TRRAP: variants seen among roughly 807,000 people sequenced by gnomAD.
TRRAP encodes transformation/transcription domain associated protein.
In TRRAP, 41 loss-of-function variants were observed where a neutral mutation model predicts 438.8. The observed-to-expected ratio is 0.09, with a 90% CI of 0.07 to 0.12. The LOEUF (loss-of-function observed/expected upper bound fraction) is 0.12. Ranked by LOEUF, TRRAP falls within the 10% of genes least tolerant of loss-of-function variation. The probability of loss-of-function intolerance (pLI) is 1.00; values close to 1 mark genes in which losing one functional copy is unlikely to be tolerated. For missense variants in TRRAP, 3,122 were observed against 5,055.1 expected, an observed-to-expected ratio of 0.62 and a Z score of 11.60; for synonymous variants, 1,994 against 1,962.9, an observed-to-expected ratio of 1.02 and a Z score of -0.42.
chr7:98,933,943 A>AATTTAAGC (rs1430395369), intron 27 of TRRAP, among the ~76,000 whole-genome samples: 72 of 152,238 alleles, frequency 4.7e-4, no homozygotes, highest in Non-Finnish European at 8.5e-4. Flanking sequence ...GGAGAGCTTG[A>AATTTAAGC]ATTTAAGCCA....
At chr7:99,001,659 G>A (rs1295803975) in intron 67 of TRRAP, among the ~76,000 whole-genome samples, 1 of 152,182 alleles carries the variant, frequency 6.6e-6, no homozygotes, top group African/African-American at 2.4e-5. Flanking sequence ...CCGCTCTCCT[G>A]TACACAGGGG....
rs73395142 is a variant in TRRAP, at chr7:98,980,625, A to G, written c.8635-1144A>G. 5.6e-3 allele frequency among the ~76,000 whole-genome samples: 857 copies of G among 152,314 alleles called. 11 individuals carry two copies. Among genetic ancestry groups the G allele is most frequent in the African/African-American group, 0.02 (823 of 41,570 alleles). On this transcript the variant is annotated intron_variant, in intron 58 of 72. Transcript: ENST00000456197. The stretch of plus-strand genomic sequence containing the variant: ...GTGCAGGAAATCTGGGGGACATTTT[A>G]TAGTAGGCAAGAAAGTGTGGCTTTA...
chr7:98,935,752 C>A, intron 28 of TRRAP, 77 bp downstream of exon 28: 2 of 1,195,016 alleles, frequency 1.7e-6, no homozygotes, highest in Non-Finnish European at 2.3e-6. Flanking sequence ...AAAAAAGTGG[C>A]CTTTTGTTGT....
Position 98,956,074 on chromosome 7 carries a change from C to A in TRRAP, c.5938-72C>A. On this transcript the variant is annotated intron_variant, in intron 41 of 72. Coordinates refer to ENST00000456197, the MANE Select transcript of TRRAP (RefSeq NM_001375524.1). The surrounding 1 kb of genome is among the most constrained non-coding windows in gnomAD (Gnocchi z 4.5). The stretch of plus-strand genomic sequence containing the variant: ...GGCATGTCGGGGGTGTGTGTGTGCA[C>A]GTGCGCACACGTGCATGCACTGTGG... The A allele has an allele frequency of 6.5e-7, 1 of 1,528,952 alleles. No individual in the cohort carries two copies. Among genetic ancestry groups the A allele is most frequent in the Non-Finnish European group, 8.8e-7 (1 of 1,137,288 alleles). The allele number at this position is 1,528,952 out of a possible 1,614,324, so 94.7% of individuals were successfully genotyped here. A position where few individuals can be genotyped will look rare whatever the true frequency, so the allele number is the denominator to read the frequency against.
intron 29 of TRRAP, 148 bp from the exon 30 acceptor site, chr7:98,937,502 G>A (rs782145400): frequency 2.8e-4 from 301 of 1,092,610 alleles, no homozygotes; most frequent in Non-Finnish European, 3.5e-4. Context: ...CCATCATTTC[G>A]TCATAAATTT....
chr7:98,899,823 C>T, intron 10 of TRRAP, 56 bp downstream of exon 10: 1 of 1,567,430 alleles, frequency 6.4e-7, no homozygotes, highest in Non-Finnish European at 8.8e-7. Flanking sequence ...TAAAAATACA[C>T]TTGCTGTTGT....
At position 98,937,230 on chromosome 7, in the gene TRRAP, T is replaced by A. The variant is rs1554414450; in HGVS notation, c.4186T>A (p.Ser1396Thr). 6.2e-7 allele frequency: 1 copy of A among 1,613,726 alleles called. No homozygotes were observed. The highest frequency in any genetic ancestry group is 1.7e-5 in the Admixed American group (1 of 59,990). ...CGCTGCACTCTTCAAAGCCCTGAAT[T>A]CCACCAATAGTGAGCTCCAAGAGGC... is the stretch of plus-strand genomic sequence containing the variant. ...IIAALFKALNSTNSELQEAGE... is the reference protein window; with the variant it reads ...IIAALFKALNTTNSELQEAGE... Residue 1396 changes from serine (S) to threonine (T), a missense_variant, in exon 29 of 73, where the codon TCC (serine) becomes ACC (threonine). Physicochemically the swap from Ser to Thr is moderately conservative, Grantham distance 58. Around this residue, in one of 24 missense-constraint regions of TRRAP, gnomAD observed 84 missense variants for 119.8 expected, o/e 0.70. Transcript: ENST00000456197.
At chr7:98,955,336 C>T (rs782004668) in intron 41 of TRRAP, 32 bp downstream of exon 41, 36 of 1,574,942 alleles carry the variant, frequency 2.3e-5, no homozygotes, top group Admixed American at 7.0e-5. Context: ...CTGCGGGGCG[C>T]GCGTCTTCAG....
Position 99,004,173 on chromosome 7 carries a change from C to G in TRRAP, c.10310-17C>G, listed in dbSNP as rs1794063898. 6.2e-7 allele frequency: 1 copy of G among 1,601,462 alleles called. No individual in the cohort carries two copies. The highest frequency in any genetic ancestry group is 8.5e-7 in the Non-Finnish European group (1 of 1,175,778). On this transcript the variant is annotated splice_polypyrimidine_tract_variant and intron_variant, in intron 67 of 72. Transcript: ENST00000456197. ...CCAGATGACTAAAAACGTTTTTAAT[C>G]ATGTTTTATTTTTAAGATTTTGACT...
Position 98,988,792 on chromosome 7 carries a change from T to C in TRRAP, c.9417T>C (p.Ser3139=), listed in dbSNP as rs1285784305. 8 of 1,614,222 alleles carry C rather than the reference T, an allele frequency of 5.0e-6. No individual in the cohort carries two copies. The South Asian group carries it at 8.8e-5, about 18-fold the overall frequency. Residue 3139 remains serine, a synonymous_variant, in exon 63 of 73, where the codon TCT becomes TCC. Transcript: ENST00000456197. ...NKSEEANKAF[S]AAVQMHDVLV... is the part of the protein sequence containing the mutation. ...CCGAGGAGGCAAACAAAGCCTTCTC[T>C]GCAGCTGTGCAGATGCACGATGTGC... is the stretch of plus-strand genomic sequence containing the variant.
chr7:98,918,370 A>G (rs1554409896), intron 20 of TRRAP, among the ~76,000 whole-genome samples: 1 of 151,298 alleles, frequency 6.6e-6, no homozygotes, highest in Non-Finnish European at 1.5e-5. Context: ...AGCTGGGACT[A>G]CAGACGCGTA....
At chr7:98,937,528 A>T in intron 29 of TRRAP, 122 bp from the exon 30 acceptor site, 1 of 1,179,572 alleles carries the variant, frequency 8.5e-7, no homozygotes, top group Non-Finnish European at 1.2e-6. Context: ...ATAGTATATG[A>T]TTAATATTCC....
chr7:98,981,419 A>G (rs1037529336), intron 58 of TRRAP, among the ~76,000 whole-genome samples: 1 of 152,128 alleles, frequency 6.6e-6, no homozygotes, highest in Non-Finnish European at 1.5e-5. Flanking sequence ...TAATAATAAT[A>G]ATGCCGGCTG....
At chr7:98,969,247 C>T (rs1378308429) in intron 51 of TRRAP, among the ~76,000 whole-genome samples, 2 of 152,206 alleles carry the variant, frequency 1.3e-5, no homozygotes, top group Non-Finnish European at 2.9e-5. Context: ...GTCCCCATAG[C>T]CTCTCTCTGC....
intron 16 of TRRAP, 121 bp from the exon 17 acceptor site, chr7:98,910,956 A>G (rs1378199105): frequency 2.6e-6 from 2 of 771,196 alleles, no homozygotes; most frequent in Non-Finnish European, 1.9e-6. Flanking sequence ...TTGGAGGGGG[A>G]CATTTGTTAT....
intron 7 of TRRAP, 75 bp from the exon 8 acceptor site, chr7:98,897,666 G>GTT: frequency 6.9e-7 from 1 of 1,442,946 alleles, no homozygotes; most frequent in Non-Finnish European, 9.2e-7. Context: ...TTTTTGTTTT[G>GTT]TTTTGTTTTG....
chr7:98,937,042 A>C, intron 28 of TRRAP, 114 bp from the exon 29 acceptor site: 3 of 1,317,856 alleles, frequency 2.3e-6, no homozygotes, highest in Non-Finnish European at 3.0e-6. Flanking sequence ...AACCTGGGCA[A>C]CATAGCAAGA....
At chr7:98,922,289 C>T (rs1789833655) in intron 21 of TRRAP, among the ~76,000 whole-genome samples, 1 of 152,224 alleles carries the variant, frequency 6.6e-6, no homozygotes, top group African/African-American at 2.4e-5. Flanking sequence ...CAGCCACACG[C>T]AGTGCCTCGC....
rs1445012113 is a variant in TRRAP, at chr7:98,990,578, G to A, written c.9715G>A (p.Val3239Ile). ...AWIPQLLTCL[V>I]GSEGKLLLNL... is the part of the protein sequence containing the mutation. The stretch of plus-strand genomic sequence containing the variant: ...GATCCCACAGCTGCTCACCTGCCTG[G>A]TTGGCTCGGAGGGAAAGCTGCTCTT... Residue 3239 changes from valine to isoleucine, a missense_variant, in exon 64 of 73, where the codon GTT becomes ATT. By Grantham distance (29) the Val-to-Ile change is conservative. Around this residue, in one of 24 missense-constraint regions of TRRAP, gnomAD observed 52 missense variants for 88.3 expected, o/e 0.59. Coordinates refer to ENST00000456197, the MANE Select transcript of TRRAP (RefSeq NM_001375524.1). 2.1e-5 allele frequency: 34 copies of A among 1,614,130 alleles called. No homozygotes were observed. The highest frequency in any genetic ancestry group is 2.9e-5 in the Non-Finnish European group (34 of 1,179,938).
Sources: gnomAD v4.1 joint callset for allele counts (sites outside exome capture counted in the v4.1 genomes callset) on GRCh38, gnomAD v4.1.1 for gene constraint, gnomAD v4.1.1 regional missense constraint, Gnocchi (gnomAD v3.1) non-coding constraint, MANE v1.5 for transcripts, NCBI Gene and HGNC (gene_info 2026-07-23, HGNC 2026-07-21) for gene names.